The following GALNT16 variants were observed in gnomAD, a reference collection of about 807,000 sequenced individuals.
GALNT16 encodes the protein UDP-GalNAc:polypeptide N-acetylgalactosaminyltransferase-like protein 1.
A neutral mutation model predicts 76.1 loss-of-function variants in GALNT16; 40 were observed. That is an observed-to-expected ratio of 0.53 (90% CI 0.41 to 0.68). The LOEUF is 0.68. Among genes scored for constraint, GALNT16 ranks in the 30% least tolerant of loss-of-function variants. The probability of loss-of-function intolerance (pLI) is 0.00; values close to 1 mark genes in which losing one functional copy is unlikely to be tolerated. For missense variants in GALNT16, 621 were observed against 731.9 expected, an observed-to-expected ratio of 0.85 and a Z score of 1.75; for synonymous variants, 276 against 285.2, an observed-to-expected ratio of 0.97 and a Z score of 0.32.
intron 9 of GALNT16, 105 bp from the exon 10 acceptor site, chr14:69,338,546 A>C (rs910105177): frequency 6.6e-7 from 1 of 1,512,540 alleles, no homozygotes; most frequent in African/African-American, 1.4e-5. Context: ...CCCGACCCCA[A>C]CATGTACCTC....
chr14:69,280,600 A>AT (rs1174107311), intron 1 of GALNT16, among the ~76,000 whole-genome samples: 3 of 152,054 alleles, frequency 2.0e-5, no homozygotes, highest in African/African-American at 4.8e-5. Flanking sequence ...TCTATTTTTA[A>AT]TTTTTTGAGG....
In GALNT16 at chr14:69,342,768, G is replaced by A. The variant is rs140908775; in HGVS notation, c.1271+1004G>A. Among the ~76,000 whole-genome samples the A allele has an allele frequency of 2.9e-3, 441 of 152,272 alleles. 4 individuals are homozygous for A. The highest frequency in any genetic ancestry group is 0.01 in the African/African-American group (428 of 41,546). ...CACAGGACAGTGGGCAATAAGCTAC[G>A]ATGGCCTTTTCAGTGTCTCAGTTAC... On this transcript the variant is annotated intron_variant, in intron 12 of 14. Coordinates refer to ENST00000448469, the MANE Select transcript of GALNT16 (RefSeq NM_001168368.2).
chr14:69,301,851 A>C (rs1384881887), intron 1 of GALNT16, among the ~76,000 whole-genome samples: 2 of 152,072 alleles, frequency 1.3e-5, no homozygotes, highest in African/African-American at 4.8e-5. Flanking sequence ...TTAGCTGGGC[A>C]TGGTGGTGTG....
At chr14:69,260,151 C>A (rs551387038), upstream of GALNT16, 47 of 198,274 alleles carry the variant, frequency 2.4e-4, 1 homozygote, top group East Asian at 1.1e-4. Context: ...CCCGCCCCCC[C>A]ACCTCTCTCC....
the GALNT16 span, among the ~76,000 whole-genome samples, chr14:69,377,176 T>G: frequency 2.6e-5 from 4 of 152,180 alleles, no homozygotes; most frequent in African/African-American, 9.7e-5. Flanking sequence ...AATCCAAATA[T>G]TTGATTGAGT....
At chr14:69,365,729 G>A in the GALNT16 span, among the ~76,000 whole-genome samples, 2 of 151,996 alleles carry the variant, frequency 1.3e-5, no homozygotes, top group Non-Finnish European at 2.9e-5. Flanking sequence ...CATGGCACAC[G>A]TTCACCTATG....
chr14:69,319,658 T>C (rs540681460), intron 1 of GALNT16, among the ~76,000 whole-genome samples: 1 of 152,326 alleles, frequency 6.6e-6, no homozygotes, highest in East Asian at 1.9e-4. Context: ...CCTTCCCCAG[T>C]GTCTGTTGCT....
chr14:69,333,560 G>C lies in GALNT16; in HGVS notation c.927G>C (p.Lys309Asn). The change falls in exon 9 of 15, where the codon AAG (lysine) becomes AAC (asparagine). Residue 309 changes from lysine (K) to asparagine (N), a missense_variant. Transcript: ENST00000448469. This position sits in a 1 kb window ranked among gnomAD's most constrained non-coding sequence, Gnocchi z 4.2. ...AGTCCTGGTTTAACCACTTGGGAAA[G>C]TATGATGCCCAGATGGACATCTGGG... ...IDKSWFNHLGKYDAQMDIWGG... is the reference protein window; with the variant it reads ...IDKSWFNHLGNYDAQMDIWGG... 3 of 1,606,002 alleles carry C rather than the reference G, an allele frequency of 1.9e-6. No homozygotes were observed. Among genetic ancestry groups the C allele is most frequent in the Non-Finnish European group, 2.6e-6 (3 of 1,175,646 alleles).
chr14:69,260,136 A>ACCCAC, upstream of GALNT16: 3 of 113,994 alleles, frequency 2.6e-5, no homozygotes, highest in South Asian at 4.3e-4. Context: ...TCTCCCTATC[A>ACCCAC]CCCCCCCGCC....
chr14:69,344,212 A>G (rs2045532858), intron 12 of GALNT16, among the ~76,000 whole-genome samples: 1 of 152,228 alleles, frequency 6.6e-6, no homozygotes, highest in Admixed American at 6.5e-5. Flanking sequence ...TCCAGGTTAG[A>G]GCTCTGCAGC....
intron 1 of GALNT16, among the ~76,000 whole-genome samples, chr14:69,294,851 G>A (rs909518489): frequency 6.6e-6 from 1 of 152,078 alleles, no homozygotes; most frequent in Non-Finnish European, 1.5e-5. Context: ...CCCAAGGAGC[G>A]GGGATTTCAG....
At chr14:69,284,808 T>TG (rs900740124) in intron 1 of GALNT16, among the ~76,000 whole-genome samples, 3 of 151,992 alleles carry the variant, frequency 2.0e-5, no homozygotes, top group African/African-American at 7.3e-5. Flanking sequence ...ATTATGGTGG[T>TG]GGTTTCCCCA....
the GALNT16 span, among the ~76,000 whole-genome samples, chr14:69,379,778 A>G: frequency 6.6e-6 from 1 of 152,170 alleles, no homozygotes; most frequent in African/African-American, 2.4e-5. Flanking sequence ...GAAGGCTCTG[A>G]AAAGGGCACA....
rs182622908 is a variant in GALNT16 at position 69,324,550 on chromosome 14, C to T, written c.336-142C>T. 954 of 497,766 alleles carry T rather than the reference C, an allele frequency of 1.9e-3. 13 individuals are homozygous for T. The East Asian group carries it at 0.026, about 14-fold the overall frequency. The allele number at this position is 497,766 out of a possible 1,614,324, so 30.8% of individuals were successfully genotyped here. On this transcript the variant is annotated intron_variant, in intron 2 of 14. Coordinates refer to ENST00000448469, the MANE Select transcript of GALNT16 (RefSeq NM_001168368.2). ...GTGGGATGCAGCATGGGGGTGGAGGCGCGGGGCCTCTGGCCTGGCTGTTGG... is the reference window on the plus strand; with the variant it reads ...GTGGGATGCAGCATGGGGGTGGAGGTGCGGGGCCTCTGGCCTGGCTGTTGG...
downstream of GALNT16, among the ~76,000 whole-genome samples, chr14:69,360,517 A>C (rs904414075): frequency 1.3e-5 from 2 of 151,952 alleles, no homozygotes; most frequent in African/African-American, 4.8e-5. Context: ...AGTCCCAGCT[A>C]TCTGGGAGGC....
chr14:69,263,320 G>T (rs1478715284), intron 1 of GALNT16, among the ~76,000 whole-genome samples: 1 of 152,226 alleles, frequency 6.6e-6, no homozygotes, highest in Non-Finnish European at 1.5e-5. Flanking sequence ...GGGGATGTAC[G>T]TTCAAGCTTC....
At chr14:69,361,333 A>G (rs1453284571), downstream of GALNT16, among the ~76,000 whole-genome samples, 1 of 152,170 alleles carries the variant, frequency 6.6e-6, no homozygotes, top group African/African-American at 2.4e-5. Context: ...GGTATTTTCA[A>G]TACCACCCCA....
At chr14:69,332,965 G>A (rs536331563) in intron 7 of GALNT16, 120 bp from the exon 8 acceptor site, 5 of 752,594 alleles carry the variant, frequency 6.6e-6, no homozygotes, top group Non-Finnish European at 7.3e-6. Flanking sequence ...AATGAAGGAG[G>A]GACTGCACGA....
At chr14:69,293,937 C>T (rs567214880) in intron 1 of GALNT16, among the ~76,000 whole-genome samples, 8 of 152,026 alleles carry the variant, frequency 5.3e-5, no homozygotes, top group South Asian at 2.1e-4. Flanking sequence ...TGTCACCAGG[C>T]GGGAGTACAG....
Sources: gnomAD v4.1 joint callset for allele counts (sites outside exome capture counted in the v4.1 genomes callset) on GRCh38, gnomAD v4.1.1 for gene constraint, Gnocchi (gnomAD v3.1) non-coding constraint, MANE v1.5 for transcripts, NCBI Gene and HGNC (gene_info 2026-07-23, HGNC 2026-07-21) for gene names.